Variants in ANKHD1 observed in about 807,000 individuals in gnomAD.
The protein encoded by ANKHD1 is ankyrin repeat and KH domain containing 1, also known as ankyrin repeat and KH domain-containing protein 1.
Under a neutral mutation model 230.5 loss-of-function variants are expected in ANKHD1, and 31 were observed. That is an observed-to-expected ratio of 0.13 (90% CI 0.10 to 0.18). The LOEUF (loss-of-function observed/expected upper bound fraction) is 0.18. ANKHD1 is among the 10% of genes least tolerant of loss of function. The pLI is 1.00. For missense variants in ANKHD1, 2,256 were observed against 3,071.3 expected (o/e 0.73, Z 6.27); for synonymous variants, 1,074 against 1,117.6 (o/e 0.96, Z 0.78).
At chr5:140,501,967 T>C (rs941694945) in intron 15 of ANKHD1, among the ~76,000 whole-genome samples, 71 of 150,364 alleles carry the variant, frequency 4.7e-4, no homozygotes, top group African/African-American at 1.6e-3. Context: ...CTTGGGAGGC[T>C]AAGGTGGGAG....
At chr5:140,440,946 T>C (rs763148290) in intron 4 of ANKHD1, 49 bp from the exon 5 acceptor site, 70 of 1,489,426 alleles carry the variant, frequency 4.7e-5, no homozygotes, top group Non-Finnish European at 6.0e-5. Flanking sequence ...AGAAATACTA[T>C]TGAATAGTAA....
chr5:140,518,207 C>T (rs906748298), intron 24 of ANKHD1, among the ~76,000 whole-genome samples: 1 of 151,958 alleles, frequency 6.6e-6, no homozygotes. Flanking sequence ...ATAAATTCCT[C>T]GACACATACA....
At chr5:140,516,603 C>T (rs1377408540) in intron 24 of ANKHD1, among the ~76,000 whole-genome samples, 2 of 152,116 alleles carry the variant, frequency 1.3e-5, no homozygotes, top group East Asian at 1.9e-4. Context: ...GGCAGAAACT[C>T]TACAAGCCAG....
intron 14 of ANKHD1, among the ~76,000 whole-genome samples, chr5:140,492,988 T>C (rs145187886): frequency 6.6e-6 from 1 of 152,302 alleles, no homozygotes; most frequent in Admixed American, 6.5e-5. Context: ...TTTTCTAGTT[T>C]TGTTAATGGA....
In ANKHD1 at chr5:140,528,741, G is replaced by C. The variant is rs760133999; in HGVS notation, c.5795G>C (p.Ser1932Thr). Residue 1932 changes from serine to threonine, a missense_variant, in exon 29 of 34, where the codon AGT (serine) becomes ACT (threonine). By Grantham distance (58) the Ser-to-Thr change is moderately conservative. Around this residue, in one of 13 missense-constraint regions of ANKHD1, gnomAD observed 778 missense variants for 966.5 expected, o/e 0.80. Transcript: ENST00000360839. ...PSESAGLATA[S>T]CPITVSSVVA... ...GAGTCTGCTGGACTAGCTACTGCCA[G>C]TTGTCCTATCACTGTCTCTTCTGTA... 3.7e-6 allele frequency: 6 copies of C among 1,614,172 alleles called. No homozygotes were observed. Among genetic ancestry groups the C allele is most frequent in the Non-Finnish European group, 4.2e-6 (5 of 1,180,040 alleles).
chr5:140,429,719 C>A (rs543110369), intron 1 of ANKHD1, among the ~76,000 whole-genome samples: 3 of 152,194 alleles, frequency 2.0e-5, no homozygotes, highest in South Asian at 4.1e-4. Flanking sequence ...TCTAGAAATA[C>A]AGTCTGAGAG....
chr5:140,409,870 C>T (rs1358574522), intron 1 of ANKHD1, among the ~76,000 whole-genome samples: 1 of 151,952 alleles, frequency 6.6e-6, no homozygotes, highest in Admixed American at 6.6e-5. Flanking sequence ...TTGTATGTTG[C>T]ACAAATATCA....
chr5:140,505,834 C>G lies in ANKHD1; in HGVS notation c.3373C>G (p.Pro1125Ala). Reference sequence around the variant, plus strand: ...ACAGTCTGAACGAACTAAGGATACTCCGCTTTCATTGGCATGTTCTGGTGG... The same window carrying G: ...ACAGTCTGAACGAACTAAGGATACTGCGCTTTCATTGGCATGTTCTGGTGG... ...EAQSERTKDT[P>A]LSLACSGGRQ... The change falls in exon 18 of 34, where the codon CCG (proline) becomes GCG (alanine). Residue 1125 changes from proline to alanine, a missense_variant. Pro to Ala is a conservative substitution (Grantham distance 27, BLOSUM62 -1). Coordinates refer to ENST00000360839, the MANE Select transcript of ANKHD1 (RefSeq NM_017747.3). The G allele has an allele frequency of 5.0e-6, 8 of 1,604,256 alleles. No individual in the cohort carries two copies. Among genetic ancestry groups the G allele is most frequent in the Non-Finnish European group, 6.8e-6 (8 of 1,176,840 alleles).
intron 10 of ANKHD1, chr5:140,472,454 A>T: frequency 7.4e-7 from 1 of 1,355,774 alleles, no homozygotes; most frequent in South Asian, 2.1e-5. Flanking sequence ...AAGTCCCAAT[A>T]AAAAGAGATT....
intron 1 of ANKHD1, among the ~76,000 whole-genome samples, chr5:140,427,722 C>T (rs1434775491): frequency 9.1e-5 from 13 of 143,130 alleles, no homozygotes; most frequent in Non-Finnish European, 1.7e-4. Context: ...TAGGGGCGGC[C>T]GGGCAGAGGC....
chr5:140,428,448 A>ACACAGCGAAACCCTGCCTC (rs1772730859), intron 1 of ANKHD1, among the ~76,000 whole-genome samples: 2 of 152,260 alleles, frequency 1.3e-5, no homozygotes, highest in Admixed American at 6.5e-5. Flanking sequence ...AGCCCGGCCA[A>ACACAGCGAAACCCTGCCTC]CACAGCGAAA....
chr5:140,450,889 A>G (rs1774681562), intron 7 of ANKHD1, among the ~76,000 whole-genome samples: 1 of 152,134 alleles, frequency 6.6e-6, no homozygotes, highest in African/African-American at 2.4e-5. Context: ...GTGGTGGCTC[A>G]TGCCTGTAAT....
chr5:140,435,810 C>A (rs551191405), intron 1 of ANKHD1, among the ~76,000 whole-genome samples: 1 of 152,266 alleles, frequency 6.6e-6, no homozygotes, highest in African/African-American at 2.4e-5. Context: ...GCTAGGATCA[C>A]AGGCGTGGGC....
chr5:140,487,360 C>G (rs917671242), intron 14 of ANKHD1, among the ~76,000 whole-genome samples: 2 of 152,096 alleles, frequency 1.3e-5, no homozygotes, highest in Admixed American at 1.3e-4. Context: ...ATCAGACATT[C>G]ATTTTTCATT....
intron 1 of ANKHD1, among the ~76,000 whole-genome samples, chr5:140,424,824 T>G (rs1251711099): frequency 2.0e-5 from 3 of 152,244 alleles, no homozygotes; most frequent in Non-Finnish European, 4.4e-5. Flanking sequence ...GTTTAGAAGA[T>G]TCACTTCATC....
chr5:140,521,954 G>A, intron 24 of ANKHD1, among the ~76,000 whole-genome samples: 1 of 152,206 alleles, frequency 6.6e-6, no homozygotes, highest in East Asian at 1.9e-4. Context: ...ACTCCAGCCT[G>A]GGTGACAGAG....
Position 140,523,852 on chromosome 5 carries a change from C to G in ANKHD1, c.4318-214C>G, listed in dbSNP as rs150664063. Among the ~76,000 whole-genome samples, 4 of 152,216 alleles carry G rather than the reference C, an allele frequency of 2.6e-5. No individual in the cohort carries two copies. The East Asian group carries it at 7.7e-4, about 29-fold the overall frequency. On this transcript the variant is annotated intron_variant, in intron 24 of 33. Coordinates refer to ENST00000360839, the MANE Select transcript of ANKHD1 (RefSeq NM_017747.3). ...CTGGGATTATAGGTGTGAGCCACCACGCCCAGCTGATTTTTTACTTTCTTG... is the reference window on the plus strand; with the variant it reads ...CTGGGATTATAGGTGTGAGCCACCAGGCCCAGCTGATTTTTTACTTTCTTG...
chr5:140,518,780 G>A (rs1226470139), intron 24 of ANKHD1, among the ~76,000 whole-genome samples: 21 of 152,194 alleles, frequency 1.4e-4, no homozygotes, highest in East Asian at 7.7e-4. Context: ...TTGATGGGAC[G>A]TATCTCAAAA....
At position 140,494,068 on chromosome 5, in the gene ANKHD1, C is replaced by T. The variant is rs577737557; in HGVS notation, c.2246-2452C>T. 1.5e-4 allele frequency among the ~76,000 whole-genome samples: 23 copies of T among 152,238 alleles called. No homozygotes were observed. The South Asian group carries it at 4.4e-3, about 29-fold the overall frequency. ...TAATGGATGTTTAAAGGACCATGGA[C>T]CATTCAGTCTTTGTAGAACTTCTAA... On this transcript the variant is annotated intron_variant, in intron 14 of 33. Transcript: ENST00000360839.
Sources: gnomAD v4.1 joint callset for allele counts (sites outside exome capture counted in the v4.1 genomes callset) on GRCh38, gnomAD v4.1.1 for gene constraint, gnomAD v4.1.1 regional missense constraint, MANE v1.5 for transcripts, NCBI Gene and HGNC (gene_info 2026-07-23, HGNC 2026-07-21) for gene names.